The following GRID1 variants were observed in gnomAD, a reference collection of about 807,000 sequenced individuals.
GRID1 encodes glutamate ionotropic receptor delta type subunit 1.
Under a neutral mutation model 98.0 loss-of-function variants are expected in GRID1, and 28 were observed. The observed-to-expected ratio is 0.29, with a 90% CI of 0.21 to 0.39. GRID1 has a LOEUF of 0.39. Ranked by LOEUF, GRID1 falls within the 10% of genes least tolerant of loss-of-function variation. GRID1 has a pLI of 1.00. For synonymous variants in GRID1, 553 were observed against 538.5 expected, an observed-to-expected ratio of 1.03 and a Z score of -0.37; for missense variants, 1,111 against 1,340.5, an observed-to-expected ratio of 0.83 and a Z score of 2.67.
intron 15 of GRID1, 160 bp downstream of exon 15, chr10:85,613,247 A>G (rs1741888939): frequency 1.3e-6 from 1 of 745,818 alleles, no homozygotes; most frequent in Non-Finnish European, 2.1e-6. Flanking sequence ...TTTAAAAACA[A>G]AATAAAACAA....
At chr10:85,911,890 G>T (rs1489631014) in intron 5 of GRID1, among the ~76,000 whole-genome samples, 1 of 152,200 alleles carries the variant, frequency 6.6e-6, no homozygotes, top group African/African-American at 2.4e-5. Flanking sequence ...GGCTCCAAAA[G>T]CCACCCAGCT....
intron 13 of GRID1, among the ~76,000 whole-genome samples, chr10:85,634,998 GAAAAAAAAAAAAAAA>G (rs140144576): frequency 0.011 from 369 of 34,986 alleles, 3 homozygotes; most frequent in African/African-American, 0.018. Flanking sequence ...GAGGAAATCT[GAAAAAAAAAAAAAAA>G]AAAAAAAAAA....
At chr10:86,124,355 C>T (rs1255658270) in intron 4 of GRID1, among the ~76,000 whole-genome samples, 2 of 152,196 alleles carry the variant, frequency 1.3e-5, no homozygotes, top group African/African-American at 4.8e-5. Flanking sequence ...GCACCAGGTA[C>T]ATCCTCCTCC....
At chr10:85,938,277 G>A (rs1264953099) in intron 4 of GRID1, among the ~76,000 whole-genome samples, 2 of 152,202 alleles carry the variant, frequency 1.3e-5, no homozygotes. Flanking sequence ...TGAGGGAAAA[G>A]TTCAGCCACA....
intron 2 of GRID1, among the ~76,000 whole-genome samples, chr10:86,256,546 A>G (rs1846920270): frequency 6.6e-6 from 1 of 152,130 alleles, no homozygotes; most frequent in African/African-American, 2.4e-5. Context: ...TCCAAAAGTG[A>G]CGATTGACAG....
At chr10:85,975,903 T>C (rs1316918770) in intron 4 of GRID1, among the ~76,000 whole-genome samples, 2 of 152,116 alleles carry the variant, frequency 1.3e-5, no homozygotes, top group Non-Finnish European at 2.9e-5. Flanking sequence ...ATTTATGTGG[T>C]TTTTCCTTAT....
intron 2 of GRID1, among the ~76,000 whole-genome samples, chr10:86,350,690 G>A (rs145718244): frequency 2.6e-5 from 4 of 152,282 alleles, no homozygotes; most frequent in Non-Finnish European, 4.4e-5. Flanking sequence ...ACATATTTAT[G>A]GGGTACAGAG....
At chr10:85,670,576 T>C (rs747855427) in intron 12 of GRID1, among the ~76,000 whole-genome samples, 2 of 152,114 alleles carry the variant, frequency 1.3e-5, no homozygotes, top group Non-Finnish European at 2.9e-5. Context: ...AAAGACAAAA[T>C]TGAGGATGAC....
intron 3 of GRID1, among the ~76,000 whole-genome samples, chr10:86,154,234 G>A (rs1845211694): frequency 6.6e-6 from 1 of 152,146 alleles, no homozygotes; most frequent in South Asian, 2.1e-4. Flanking sequence ...AGGGAAGTGA[G>A]CCCCCATTTA....
chr10:86,253,125 T>G (rs989911585), intron 2 of GRID1, among the ~76,000 whole-genome samples: 9 of 152,248 alleles, frequency 5.9e-5, no homozygotes, highest in Non-Finnish European at 1.2e-4. Flanking sequence ...GGTTACTTTT[T>G]GGTAATTACA....
At chr10:85,846,576 G>GA (rs375303751) in intron 8 of GRID1, among the ~76,000 whole-genome samples, 2 of 151,286 alleles carry the variant, frequency 1.3e-5, no homozygotes, top group Non-Finnish European at 2.9e-5. Flanking sequence ...CAGGCAGACA[G>GA]AAAAAAAATA....
chr10:85,711,301 G>A (rs1220955772), intron 12 of GRID1, among the ~76,000 whole-genome samples: 1 of 151,810 alleles, frequency 6.6e-6, no homozygotes, highest in Admixed American at 6.6e-5. Context: ...GCCTTAAAAA[G>A]GAAGGATATT....
chr10:86,036,522 C>T (rs1227842431), intron 4 of GRID1, among the ~76,000 whole-genome samples: 1 of 152,204 alleles, frequency 6.6e-6, no homozygotes, highest in Non-Finnish European at 1.5e-5. Flanking sequence ...CACCTCCAGC[C>T]CCAAGAAGGA....
intron 2 of GRID1, among the ~76,000 whole-genome samples, chr10:86,358,739 CAGAG>C (rs1282395750): frequency 6.6e-6 from 1 of 151,696 alleles, no homozygotes; most frequent in Non-Finnish European, 1.5e-5. Context: ...ACCTGGGTGA[CAGAG>C]AGAGACTCTG....
At chr10:85,823,984 T>C (rs1842796074) in intron 8 of GRID1, among the ~76,000 whole-genome samples, 1 of 152,130 alleles carries the variant, frequency 6.6e-6, no homozygotes, top group African/African-American at 2.4e-5. Flanking sequence ...GTTCCTTGGG[T>C]AGGAAAGGAT....
chr10:85,890,814 T>C (rs1226539880), intron 5 of GRID1, among the ~76,000 whole-genome samples: 7 of 151,970 alleles, frequency 4.6e-5, no homozygotes, highest in Admixed American at 3.3e-4. Flanking sequence ...GGGGAGAAAA[T>C]GAGTTATTTA....
intron 12 of GRID1, among the ~76,000 whole-genome samples, chr10:85,682,110 A>G (rs1272418918): frequency 6.6e-6 from 1 of 152,174 alleles, no homozygotes; most frequent in Non-Finnish European, 1.5e-5. Context: ...GCAAGGGACA[A>G]GGGTCCCAGG....
chr10:85,632,532 A>G (rs1842987112), intron 13 of GRID1, among the ~76,000 whole-genome samples: 1 of 150,796 alleles, frequency 6.6e-6, no homozygotes, highest in South Asian at 2.1e-4. Flanking sequence ...AACAAGGCCC[A>G]CCCTTTGAGA....
intron 2 of GRID1, among the ~76,000 whole-genome samples, chr10:86,254,217 A>ATGC: frequency 6.6e-6 from 1 of 151,828 alleles, no homozygotes; most frequent in South Asian, 2.1e-4. Context: ...CCCATGAGAC[A>ATGC]ACCAACACCT....
Sources: gnomAD v4.1 joint callset for allele counts (sites outside exome capture counted in the v4.1 genomes callset) on GRCh38, gnomAD v4.1.1 for gene constraint, MANE v1.5 for transcripts, NCBI Gene and HGNC (gene_info 2026-07-23, HGNC 2026-07-21) for gene names.